BRD7: variants seen among roughly 807,000 people sequenced by gnomAD.
The protein encoded by BRD7 is bromodomain containing 7.
In BRD7, 15 loss-of-function variants were observed where a neutral mutation model predicts 82.1. That is an observed-to-expected ratio of 0.18 (90% CI 0.12 to 0.28). The LOEUF (loss-of-function observed/expected upper bound fraction) is 0.28, where lower values mean the gene tolerates loss of function less well. Among genes scored for constraint, BRD7 ranks in the 10% least tolerant of loss-of-function variants. The pLI is 1.00. For synonymous variants in BRD7, 232 were observed against 266.9 expected, an observed-to-expected ratio of 0.87 and a Z score of 1.27; for missense variants, 638 against 779.9, an observed-to-expected ratio of 0.82 and a Z score of 2.17.
chr16:50,352,940 AATTGCAATGGAAT>A (rs1490588890), intron 4 of BRD7, among the ~76,000 whole-genome samples: 2 of 152,178 alleles, frequency 1.3e-5, no homozygotes, highest in African/African-American at 4.8e-5. Context: ...ACACCTTGTA[AATTGCAATGGAAT>A]ACCCAATACC....
At chr16:50,361,822 C>A (rs1340557026) in intron 2 of BRD7, 1 of 152,176 alleles carries the variant, frequency 6.6e-6, no homozygotes, top group African/African-American at 2.4e-5. Context: ...CTCCTTCTTG[C>A]CCATTTTTGA....
chr16:50,343,643 C>T (rs192286795), intron 5 of BRD7, among the ~76,000 whole-genome samples: 5 of 152,302 alleles, frequency 3.3e-5, no homozygotes, highest in Admixed American at 2.6e-4. Flanking sequence ...GCAAATGGCA[C>T]ACCAGATTAT....
chr16:50,332,848 G>A (rs1260287225), intron 8 of BRD7, among the ~76,000 whole-genome samples: 1 of 152,116 alleles, frequency 6.6e-6, no homozygotes, highest in African/African-American at 2.4e-5. Flanking sequence ...GGATGAAGAC[G>A]GAGGCCACTA....
chr16:50,368,308 A>AG lies in BRD7; in HGVS notation c.50-11dup, dbSNP rs1211012251. 2 of 1,597,370 alleles carry AG rather than the reference A, an allele frequency of 1.3e-6. No individual in the cohort carries two copies. Among genetic ancestry groups the AG allele is most frequent in the African/African-American group, 3.0e-5 (2 of 65,908 alleles). Reference sequence around the variant, plus strand: ...GGCTTCTCTACATACTCTTAAAAAAAGAAAAGAAAAGAAAGGAAAGCGCGT... The same window carrying AG: ...GGCTTCTCTACATACTCTTAAAAAAAGGAAAAGAAAAGAAAGGAAAGCGCGT... On this transcript the variant is annotated splice_polypyrimidine_tract_variant and intron_variant, in intron 1 of 16. Coordinates refer to ENST00000394688, the MANE Select transcript of BRD7 (RefSeq NM_013263.5).
At chr16:50,320,600 G>A (rs2037056642) in intron 14 of BRD7, 63 bp downstream of exon 14, 1 of 1,435,472 alleles carries the variant, frequency 7.0e-7, no homozygotes, top group Non-Finnish European at 9.8e-7. Flanking sequence ...GTACTTATGA[G>A]ACATGAAATC....
At chr16:50,325,410 A>G (rs995540139) in intron 11 of BRD7, among the ~76,000 whole-genome samples, 5 of 152,226 alleles carry the variant, frequency 3.3e-5, no homozygotes, top group African/African-American at 9.6e-5. Flanking sequence ...AGTTTGGACC[A>G]TAACTCACTG....
chr16:50,358,346 G>A (rs1230117360), intron 2 of BRD7, among the ~76,000 whole-genome samples: 2 of 686 alleles, frequency 2.9e-3, no homozygotes, highest in South Asian at 0.083. Context: ...GCAACATAGC[G>A]AAATCCAGGA....
chr16:50,354,539 T>G (rs2038659763), intron 3 of BRD7, 57 bp from the exon 4 acceptor site: 1 of 1,396,406 alleles, frequency 7.2e-7, no homozygotes, highest in Admixed American at 2.0e-5. Flanking sequence ...TAGAGAGTAT[T>G]ATTTACTAGA....
At chr16:50,344,136 A>C (rs1180961527) in intron 5 of BRD7, among the ~76,000 whole-genome samples, 1 of 3,186 alleles carries the variant, frequency 3.1e-4, no homozygotes, top group Non-Finnish European at 7.4e-3. Flanking sequence ...TCTGCTGGTG[A>C]TACCCAAACA....
intron 13 of BRD7, among the ~76,000 whole-genome samples, chr16:50,321,602 GTTTTTA>G (rs1305827983): frequency 7.4e-6 from 1 of 136,040 alleles, no homozygotes; most frequent in Non-Finnish European, 1.6e-5. Flanking sequence ...AAAAGATGGA[GTTTTTA>G]TTTTCAGAAT....
intron 6 of BRD7, 132 bp from the exon 7 acceptor site, chr16:50,335,027 T>C (rs1287024166): frequency 2.3e-6 from 2 of 880,598 alleles, no homozygotes; most frequent in African/African-American, 1.7e-5. Flanking sequence ...TGTAATCATA[T>C]ACCAAGAGAG....
chr16:50,347,058 C>T (rs2038313634), intron 5 of BRD7, among the ~76,000 whole-genome samples: 1 of 152,178 alleles, frequency 6.6e-6, no homozygotes, highest in African/African-American at 2.4e-5. Context: ...AAAGCTTATC[C>T]ACCACGATCA....
At chr16:50,365,633 C>T (rs1311030912) in intron 2 of BRD7, among the ~76,000 whole-genome samples, 2 of 151,932 alleles carry the variant, frequency 1.3e-5, no homozygotes, top group African/African-American at 2.4e-5. Context: ...GCATCTAAAA[C>T]CAAGAACAGG....
chr16:50,367,977 G>A lies in BRD7; in HGVS notation c.258+113C>T, dbSNP rs890619747. The A allele has an allele frequency of 2.6e-4, 286 of 1,087,882 alleles. 4 individuals carry two copies. In the South Asian group the frequency reaches 3.9e-3, roughly 15 times the overall value. The allele number at this position is 1,087,882 out of a possible 1,614,324, so 67.4% of individuals were successfully genotyped here. A position where few individuals can be genotyped will look rare whatever the true frequency, so the allele number is the denominator to read the frequency against. ...TATTCTGTCCTGCTCCTCCTCAAACGAGCCAGATCTTAGAGGCGTTTGTTT... is the reference window on the plus strand; with the variant it reads ...TATTCTGTCCTGCTCCTCCTCAAACAAGCCAGATCTTAGAGGCGTTTGTTT... On this transcript the variant is annotated intron_variant, in intron 2 of 16. Coordinates refer to ENST00000394688, the MANE Select transcript of BRD7 (RefSeq NM_013263.5).
At chr16:50,356,725 T>C (rs866111699) in intron 2 of BRD7, among the ~76,000 whole-genome samples, 1 of 140,968 alleles carries the variant, frequency 7.1e-6, no homozygotes, top group African/African-American at 2.7e-5. Flanking sequence ...AAAAAAAAAA[T>C]ATATATATAT....
intron 5 of BRD7, among the ~76,000 whole-genome samples, chr16:50,345,999 AAT>A (rs1308815711): frequency 6.6e-6 from 1 of 152,212 alleles, no homozygotes; most frequent in African/African-American, 2.4e-5. Context: ...CTTATTCCAA[AAT>A]TGACCACACA....
chr16:50,324,696 G>C (rs1489947663), intron 11 of BRD7, among the ~76,000 whole-genome samples: 2 of 152,156 alleles, frequency 1.3e-5, no homozygotes, highest in Non-Finnish European at 2.9e-5. Flanking sequence ...TTATCTGACC[G>C]ATTTAAAAGT....
At chr16:50,335,036 A>T in intron 6 of BRD7, 141 bp from the exon 7 acceptor site, 1 of 834,092 alleles carries the variant, frequency 1.2e-6, no homozygotes, top group Non-Finnish European at 1.8e-6. Context: ...ATACCAAGAG[A>T]GTATTGTATT....
intron 11 of BRD7, among the ~76,000 whole-genome samples, chr16:50,324,507 C>T (rs1049687963): frequency 6.6e-6 from 1 of 152,206 alleles, no homozygotes; most frequent in African/African-American, 2.4e-5. Context: ...TCAACGCCCT[C>T]CCTGGCCATG....
Sources: gnomAD v4.1 joint callset for allele counts (sites outside exome capture counted in the v4.1 genomes callset) on GRCh38, gnomAD v4.1.1 for gene constraint, MANE v1.5 for transcripts, NCBI Gene and HGNC (gene_info 2026-07-23, HGNC 2026-07-21) for gene names.